Variants in ATP8B1 observed in about 807,000 individuals in gnomAD.
ATP8B1 encodes ATPase phospholipid transporting 8B1, also known as phospholipid-transporting ATPase IC.
In ATP8B1, 80 loss-of-function variants were observed where a neutral mutation model predicts 149.9. The ratio of observed to expected loss-of-function variants is 0.53; its 90% CI spans 0.45 to 0.64. ATP8B1 has a LOEUF of 0.64. Ranked by LOEUF, ATP8B1 falls within the 30% of genes least tolerant of loss-of-function variation. ATP8B1 has a pLI of 0.00. For missense variants in ATP8B1, 1,247 were observed against 1,552.6 expected (o/e 0.80, Z 3.31); for synonymous variants, 536 against 562.8 (o/e 0.95, Z 0.67).
intron 1 of ATP8B1, chr18:57,738,079 A>G (rs555208918): frequency 6.6e-6 from 1 of 152,350 alleles, no homozygotes; most frequent in South Asian, 2.1e-4. Flanking sequence ...CACTTGTTTG[A>G]AGCCCTAAAT....
At chr18:57,789,421 A>T (rs2080440058) in intron 1 of ATP8B1, among the ~76,000 whole-genome samples, 1 of 152,156 alleles carries the variant, frequency 6.6e-6, no homozygotes, top group African/African-American at 2.4e-5. Context: ...GCAAAAAGAG[A>T]CCAGGAAATT....
chr18:57,769,147 C>A (rs1008643996), intron 1 of ATP8B1, among the ~76,000 whole-genome samples: 2 of 152,132 alleles, frequency 1.3e-5, no homozygotes, highest in Non-Finnish European at 2.9e-5. Context: ...AGGGGAGGAC[C>A]AGCTCAGAAA....
At position 57,688,360 on chromosome 18, in the gene ATP8B1, C is replaced by T. The variant is rs767910530; in HGVS notation, c.1368G>A (p.Thr456=). The T allele has an allele frequency of 9.3e-6, 15 of 1,613,978 alleles. No homozygotes were observed. Among genetic ancestry groups the T allele is most frequent in the Admixed American group, 1.7e-5 (1 of 59,990 alleles). ...TCATGATATTTTGTGTGAGTGTCCC[C>T]GTCTTATCAGAGAAGATATAATGGA... The part of the protein sequence containing the change: ...GQIHYIFSDK[T]GTLTQNIMTF... The change falls in exon 13 of 28, where the codon ACG becomes ACA. Residue 456 remains threonine (T), a synonymous_variant. Coordinates refer to ENST00000648908, the MANE Select transcript of ATP8B1 (RefSeq NM_001374385.1).
rs552122372 is a variant in ATP8B1, at chr18:57,695,215, A to G, written c.896T>C (p.Val299Ala). 4 of 1,614,162 alleles carry G rather than the reference A, an allele frequency of 2.5e-6. No individual in the cohort carries two copies. In the Admixed American group the frequency reaches 5.0e-5, roughly 20 times the overall value. Residue 299 changes from valine (V) to alanine (A), a missense_variant, in exon 10 of 28, where the codon GTA becomes GCA. By Grantham distance (64) the Val-to-Ala change is moderately conservative (BLOSUM62 0). Around this residue, in one of 3 missense-constraint regions of ATP8B1, gnomAD observed 853 missense variants for 1,035.7 expected, o/e 0.82. Coordinates refer to ENST00000648908, the MANE Select transcript of ATP8B1 (RefSeq NM_001374385.1). ...DADKILLRGCVIRNTDFCHGL... is the reference protein window; with the variant it reads ...DADKILLRGCAIRNTDFCHGL... ...GTGGCAGAAATCGGTGTTCCTAATT[A>G]CACAGCCACGTAACAAAATTTTATC...
intron 1 of ATP8B1, among the ~76,000 whole-genome samples, chr18:57,741,497 C>G (rs1309174488): frequency 6.6e-6 from 1 of 152,206 alleles, no homozygotes; most frequent in Non-Finnish European, 1.5e-5. Flanking sequence ...AACTTGAAAG[C>G]AGATCCTTCC....
Position 57,683,350 on chromosome 18 carries a change from G to A in ATP8B1, c.1630+686C>T, listed in dbSNP as rs1384398216. On this transcript the variant is annotated intron_variant, in intron 15 of 27. Transcript: ENST00000648908. ...ACTCCTTTTGCTCTTTCTATAAAGT[G>A]CATGTGTGTCTATATAATTTATCAT... Among the ~76,000 whole-genome samples the A allele has an allele frequency of 2.0e-5, 3 of 152,308 alleles. No individual in the cohort carries two copies. In the East Asian group the frequency reaches 5.8e-4, roughly 29 times the overall value.
intron 1 of ATP8B1, among the ~76,000 whole-genome samples, chr18:57,748,274 A>G (rs893885032): frequency 6.6e-6 from 1 of 152,226 alleles, no homozygotes; most frequent in African/African-American, 2.4e-5. Flanking sequence ...AAATAAAGAA[A>G]CTGTAACTGA....
intron 22 of ATP8B1, among the ~76,000 whole-genome samples, chr18:57,658,549 G>A (rs572243425): frequency 2.6e-5 from 4 of 152,194 alleles, no homozygotes; most frequent in East Asian, 3.9e-4. Flanking sequence ...ACTGCTAAAC[G>A]TGAATGTTAG....
intron 2 of ATP8B1, among the ~76,000 whole-genome samples, chr18:57,723,924 A>G (rs1478231913): frequency 6.8e-6 from 1 of 147,428 alleles, no homozygotes; most frequent in Non-Finnish European, 1.5e-5. Context: ...GGAACAGAAC[A>G]GAGCCCTCAG....
chr18:57,710,594 A>C (rs1019307499), intron 2 of ATP8B1, among the ~76,000 whole-genome samples: 3 of 152,184 alleles, frequency 2.0e-5, no homozygotes, highest in African/African-American at 7.2e-5. Context: ...AGAAAAAAAA[A>C]CCATAGAAAC....
At chr18:57,778,575 G>A (rs1181513538) in intron 1 of ATP8B1, among the ~76,000 whole-genome samples, 1 of 152,100 alleles carries the variant, frequency 6.6e-6, no homozygotes, top group Non-Finnish European at 1.5e-5. Context: ...ATGGCTCAGG[G>A]TCTCCTCCCA....
chr18:57,650,346 A>G, intron 27 of ATP8B1, 21 bp downstream of exon 27: 1 of 1,610,786 alleles, frequency 6.2e-7, no homozygotes, highest in Non-Finnish European at 8.5e-7. Context: ...CAGAGTTGGG[A>G]AAGGACTATA....
chr18:57,712,314 G>A (rs1427170074), intron 2 of ATP8B1, among the ~76,000 whole-genome samples: 3 of 152,100 alleles, frequency 2.0e-5, no homozygotes, highest in African/African-American at 7.2e-5. Context: ...TGTGTGGCAT[G>A]GAGAGAAAAT....
In ATP8B1 at chr18:57,701,886, T is replaced by A. The variant is rs1360845672; in HGVS notation, c.394-573A>T. ...AATTTTTTTGTATTTTTAGTAGAGA[T>A]GGGTTTTCACCATGTTGGCCAGGCT... On this transcript the variant is annotated intron_variant, in intron 4 of 27. Coordinates refer to ENST00000648908, the MANE Select transcript of ATP8B1 (RefSeq NM_001374385.1). Among the ~76,000 whole-genome samples, 3 of 151,894 alleles carry A rather than the reference T, an allele frequency of 2.0e-5. No homozygotes were observed. The South Asian group carries it at 6.2e-4, about 31-fold the overall frequency.
chr18:57,682,512 C>T lies in ATP8B1; in HGVS notation c.1630+1524G>A, dbSNP rs58555484. On this transcript the variant is annotated intron_variant, in intron 15 of 27. Coordinates refer to ENST00000648908, the MANE Select transcript of ATP8B1 (RefSeq NM_001374385.1). ...CCAGTTAGCCCTTAAAATCCTATCA[C>T]GTACCCAGAGAAGAGTACAATAATT... Among the ~76,000 whole-genome samples, 689 of 152,240 alleles carry T rather than the reference C, an allele frequency of 4.5e-3. 5 individuals carry two copies. Among genetic ancestry groups the T allele is most frequent in the African/African-American group, 0.016 (655 of 41,542 alleles).
chr18:57,788,555 CAA>C (rs111696334), intron 1 of ATP8B1, among the ~76,000 whole-genome samples: 5 of 138,276 alleles, frequency 3.6e-5, no homozygotes, highest in Admixed American at 7.3e-5. Context: ...ACTCTTATCT[CAA>C]AAAAAAAAAA....
chr18:57,783,471 T>C (rs1479214801), intron 1 of ATP8B1, among the ~76,000 whole-genome samples: 1 of 152,176 alleles, frequency 6.6e-6, no homozygotes, highest in Non-Finnish European at 1.5e-5. Context: ...TTTAAAAATA[T>C]CGAATATGCC....
intron 2 of ATP8B1, among the ~76,000 whole-genome samples, chr18:57,710,489 T>G (rs938149823): frequency 3.3e-5 from 5 of 152,082 alleles, no homozygotes; most frequent in Admixed American, 3.3e-4. Context: ...TCCGAACGCT[T>G]GCTTACAGAC....
chr18:57,735,734 A>G (rs1450915653), intron 1 of ATP8B1: 1 of 152,178 alleles, frequency 6.6e-6, no homozygotes, highest in Non-Finnish European at 1.5e-5. Context: ...AATTTTTTAA[A>G]AGTCATCTTT....
Sources: allele counts gnomAD v4.1 joint callset (sites outside exome capture counted in the v4.1 genomes callset), GRCh38; gene constraint gnomAD v4.1.1; regional missense constraint gnomAD v4.1.1; transcripts MANE v1.5; gene names NCBI Gene and HGNC (gene_info 2026-07-23, HGNC 2026-07-21).